The following ZC3H12B variants were observed in gnomAD, a reference collection of about 807,000 sequenced individuals.
ZC3H12B encodes zinc finger CCCH-type containing 12B, also known as probable ribonuclease ZC3H12B.
ZC3H12B carries 7 observed loss-of-function variants against 43.9 expected under a neutral mutation model. The ratio of observed to expected loss-of-function variants is 0.16; its 90% CI spans 0.09 to 0.30. The LOEUF is 0.30. ZC3H12B is among the 10% of genes least tolerant of loss of function. The pLI is 1.00. For synonymous variants in ZC3H12B, 222 were observed against 241.7 expected, an observed-to-expected ratio of 0.92 and a Z score of 0.76; for missense variants, 475 against 670.2, an observed-to-expected ratio of 0.71 and a Z score of 3.22.
At chrX:65,083,302 G>A in the ZC3H12B span, among the ~76,000 whole-genome samples, 1 of 111,397 alleles carries the variant, frequency 9.0e-6, no homozygotes. Flanking sequence ...CATCTACATT[G>A]GAATGGGAGA....
intron 1 of ZC3H12B, among the ~76,000 whole-genome samples, chrX:65,491,188 C>T: frequency 8.9e-6 from 1 of 111,896 alleles, no homozygotes; most frequent in Non-Finnish European, 1.9e-5. Context: ...TTTATGAATA[C>T]TGATTCTGTG....
At chrX:65,493,840 A>G (rs1414104721) in intron 1 of ZC3H12B, among the ~76,000 whole-genome samples, 2 of 111,810 alleles carry the variant, frequency 1.8e-5, no homozygotes, top group Admixed American at 1.9e-4. Flanking sequence ...AAAACAAGCC[A>G]CTTGAAAAGC....
At chrX:65,315,609 T>C in the ZC3H12B span, among the ~76,000 whole-genome samples, 2 of 111,184 alleles carry the variant, frequency 1.8e-5, no homozygotes, top group Non-Finnish European at 3.8e-5. Flanking sequence ...ACCCATCTTA[T>C]GTCACAATCA....
chrX:65,115,146 C>A, the ZC3H12B span, among the ~76,000 whole-genome samples: 1 of 107,673 alleles, frequency 9.3e-6, no homozygotes, highest in Non-Finnish European at 1.9e-5. Context: ...TTTTGGTGCA[C>A]CCATCATCCA....
intron 2 of ZC3H12B, among the ~76,000 whole-genome samples, chrX:65,387,082 G>T (rs1193619632): frequency 9.0e-6 from 1 of 111,608 alleles, no homozygotes; most frequent in Non-Finnish European, 1.9e-5. Context: ...GGTCAATTTT[G>T]GAATAAGTGC....
the ZC3H12B span, among the ~76,000 whole-genome samples, chrX:65,246,344 T>A: frequency 8.9e-6 from 1 of 112,314 alleles, no homozygotes; most frequent in Non-Finnish European, 1.9e-5. Context: ...CCCAAAGCAA[T>A]TCATTGATTC....
At chrX:65,311,352 C>T in the ZC3H12B span, among the ~76,000 whole-genome samples, 1 of 112,090 alleles carries the variant, frequency 8.9e-6, no homozygotes, top group Non-Finnish European at 1.9e-5. Flanking sequence ...AGACACTTTT[C>T]AAAAGAAGAC....
intron 2 of ZC3H12B, among the ~76,000 whole-genome samples, chrX:65,385,088 C>T (rs914150520): frequency 1.8e-5 from 2 of 112,023 alleles, no homozygotes; most frequent in Non-Finnish European, 3.8e-5. Context: ...AGCATGATGT[C>T]GCCAGCTTTG....
At chrX:65,184,907 TACTG>T in the ZC3H12B span, 1 of 111,719 alleles carries the variant, frequency 9.0e-6, no homozygotes, top group South Asian at 3.8e-4. Flanking sequence ...ATTTATGAGG[TACTG>T]AGTGATGTTT....
the ZC3H12B span, among the ~76,000 whole-genome samples, chrX:65,159,558 C>A: frequency 9.0e-6 from 1 of 111,543 alleles, no homozygotes; most frequent in African/African-American, 3.3e-5. Flanking sequence ...CATGATTTGG[C>A]TCTCTGTCTG....
the ZC3H12B span, among the ~76,000 whole-genome samples, chrX:65,217,131 G>GA: frequency 9.0e-6 from 1 of 111,591 alleles, no homozygotes; most frequent in Non-Finnish European, 1.9e-5. Flanking sequence ...GGAAGGGATG[G>GA]AAAAAAGCAA....
chrX:65,039,721 G>A, the ZC3H12B span, among the ~76,000 whole-genome samples: 1 of 111,811 alleles, frequency 8.9e-6, no homozygotes, highest in Non-Finnish European at 1.9e-5. Flanking sequence ...ATTTAAAACT[G>A]GGTGATTTGA....
At chrX:65,065,921 T>A in the ZC3H12B span, among the ~76,000 whole-genome samples, 1 of 106,430 alleles carries the variant, frequency 9.4e-6, no homozygotes, top group Non-Finnish European at 1.9e-5. Context: ...TCCCTTCTTC[T>A]GCTTGATCAA....
the ZC3H12B span, among the ~76,000 whole-genome samples, chrX:65,134,798 T>A: frequency 1.8e-5 from 2 of 111,295 alleles, no homozygotes; most frequent in Non-Finnish European, 3.8e-5. Flanking sequence ...GCTGGCGGGC[T>A]GAGTCTGAAA....
At chrX:65,390,271 G>T (rs952370977) in intron 2 of ZC3H12B, among the ~76,000 whole-genome samples, 6 of 110,724 alleles carry the variant, frequency 5.4e-5, no homozygotes, top group South Asian at 7.7e-4. Context: ...TAGGGGGAGG[G>T]GGAGGGACAG....
chrX:65,085,770 AG>A, the ZC3H12B span, among the ~76,000 whole-genome samples: 1 of 109,272 alleles, frequency 9.2e-6, no homozygotes, highest in Non-Finnish European at 1.9e-5. Flanking sequence ...TCTCGAAAAA[AG>A]AAAAAAAAAA....
the ZC3H12B span, among the ~76,000 whole-genome samples, chrX:65,050,782 A>G: frequency 3.6e-5 from 4 of 111,863 alleles, no homozygotes; most frequent in South Asian, 1.5e-3. Context: ...TCACTTGGCC[A>G]TGATTTATAA....
the ZC3H12B span, chrX:65,272,663 G>A: frequency 9.0e-5 from 10 of 111,604 alleles, no homozygotes; most frequent in Admixed American, 1.9e-4. Flanking sequence ...GTGAAGAATA[G>A]AGCTCTTATT....
At chrX:65,239,778 A>T in the ZC3H12B span, among the ~76,000 whole-genome samples, 1 of 111,808 alleles carries the variant, frequency 8.9e-6, no homozygotes, top group African/African-American at 3.2e-5. Context: ...GGTAGTGACA[A>T]GTTTTCTTTG....
Sources: allele counts gnomAD v4.1 joint callset (sites outside exome capture counted in the v4.1 genomes callset), GRCh38; gene constraint gnomAD v4.1.1; transcripts MANE v1.5; gene names NCBI Gene and HGNC (gene_info 2026-07-23, HGNC 2026-07-21).